GRID2: variants seen among roughly 807,000 people sequenced by gnomAD.
GRID2 encodes glutamate ionotropic receptor delta type subunit 2.
GRID2 carries 33 observed loss-of-function variants against 114.8 expected under a neutral mutation model. The observed-to-expected ratio is 0.29, with a 90% CI of 0.22 to 0.38. The LOEUF (loss-of-function observed/expected upper bound fraction) is 0.38, where lower values mean the gene tolerates loss of function less well. Ranked by LOEUF, GRID2 falls within the 10% of genes least tolerant of loss-of-function variation. The pLI, the probability that GRID2 is intolerant of heterozygous loss-of-function variation, is 1.00. For missense variants in GRID2, 1,184 were observed against 1,257.7 expected (o/e 0.94, Z 0.89); for synonymous variants, 505 against 449.9 (o/e 1.12, Z -1.55).
At chr4:92,779,859 T>A (rs1182056921) in intron 2 of GRID2, among the ~76,000 whole-genome samples, 1 of 152,164 alleles carries the variant, frequency 6.6e-6, no homozygotes, top group African/African-American at 2.4e-5. Context: ...TGCTTTGTTA[T>A]TATTTTTGCT....
chr4:92,907,402 G>A (rs1352526279), intron 2 of GRID2, among the ~76,000 whole-genome samples: 1 of 151,934 alleles, frequency 6.6e-6, no homozygotes, highest in Non-Finnish European at 1.5e-5. Flanking sequence ...AAACCATATA[G>A]TCCATTCCAG....
intron 1 of GRID2, among the ~76,000 whole-genome samples, chr4:92,472,016 C>T (rs1433197430): frequency 1.7e-5 from 1 of 60,374 alleles, no homozygotes; most frequent in Non-Finnish European, 3.3e-5. Flanking sequence ...TCACTGCAAG[C>T]TCCGCCTCCC....
intron 2 of GRID2, among the ~76,000 whole-genome samples, chr4:92,819,416 C>T (rs544787130): frequency 3.9e-5 from 6 of 152,034 alleles, no homozygotes; most frequent in South Asian, 4.1e-4. Context: ...TGTATGGGGG[C>T]GGCATGAAGA....
At chr4:92,508,154 G>A (rs78687572) in intron 1 of GRID2, among the ~76,000 whole-genome samples, 4,495 of 151,918 alleles carry the variant, frequency 0.03, 95 homozygotes, top group Middle Eastern at 0.071. Flanking sequence ...TGTAAACACA[G>A]TTTTTGAAAA....
At chr4:93,480,706 A>G (rs1214308967) in intron 11 of GRID2, among the ~76,000 whole-genome samples, 1 of 152,032 alleles carries the variant, frequency 6.6e-6, no homozygotes, top group Non-Finnish European at 1.5e-5. Flanking sequence ...TTGGATCAAG[A>G]AATGCAATTT....
chr4:93,120,305 T>C (rs940710031), intron 4 of GRID2, among the ~76,000 whole-genome samples: 3 of 152,150 alleles, frequency 2.0e-5, no homozygotes, highest in Admixed American at 6.5e-5. Flanking sequence ...CGGATGTTTC[T>C]TGCAGCACTA....
At position 93,448,473 on chromosome 4, in the gene GRID2, T is replaced by G. The variant is rs111834086; in HGVS notation, c.1546-7189T>G. On this transcript the variant is annotated intron_variant, in intron 10 of 15. Transcript: ENST00000282020. ...GATCAAACACTACACCCTCATAATA[T>G]GCCATTTTCTCAAGCATACATGGAA... Among the ~76,000 whole-genome samples the G allele has an allele frequency of 2.4e-3, 366 of 152,050 alleles. 5 individuals carry two copies. The South Asian group carries it at 0.029, about 12-fold the overall frequency.
intron 14 of GRID2, among the ~76,000 whole-genome samples, chr4:93,762,013 C>T (rs1320882428): frequency 2.6e-5 from 4 of 152,088 alleles, no homozygotes; most frequent in African/African-American, 4.8e-5. Flanking sequence ...AGATTACCTA[C>T]GTTTTCCAAA....
intron 14 of GRID2, among the ~76,000 whole-genome samples, chr4:93,644,577 C>G (rs1210055993): frequency 2.0e-5 from 3 of 152,140 alleles, no homozygotes; most frequent in Non-Finnish European, 4.4e-5. Flanking sequence ...AAAAAACCAT[C>G]GTGGCCCTTC....
intron 8 of GRID2, among the ~76,000 whole-genome samples, chr4:93,277,657 G>A (rs76682289): frequency 0.031 from 4,736 of 151,812 alleles, 261 homozygotes; most frequent in African/African-American, 0.11. Context: ...TTAGCTAAGT[G>A]TAAATATGAT....
At chr4:92,589,997 T>C in intron 1 of GRID2, 134 bp from the exon 2 acceptor site, 1 of 615,782 alleles carries the variant, frequency 1.6e-6, no homozygotes, top group Non-Finnish European at 2.9e-6. Flanking sequence ...ACAATGTGTT[T>C]CATTAATAAA....
chr4:92,328,108 A>C (rs537625498), intron 1 of GRID2, among the ~76,000 whole-genome samples: 1 of 152,190 alleles, frequency 6.6e-6, no homozygotes, highest in East Asian at 1.9e-4. Context: ...GTCAAATGTC[A>C]AATAATAGCA....
At chr4:93,054,343 T>G (rs200477249) in intron 2 of GRID2, among the ~76,000 whole-genome samples, 1 of 145,300 alleles carries the variant, frequency 6.9e-6, no homozygotes, top group African/African-American at 2.5e-5. Flanking sequence ...TATTTTTATA[T>G]TATTGTAATA....
intron 4 of GRID2, among the ~76,000 whole-genome samples, chr4:93,154,554 A>T (rs888508164): frequency 6.6e-6 from 1 of 152,068 alleles, no homozygotes; most frequent in Non-Finnish European, 1.5e-5. Context: ...TACTAAGCCT[A>T]GATGAATCTC....
intron 4 of GRID2, among the ~76,000 whole-genome samples, chr4:93,129,817 A>T (rs201339088): frequency 5.7e-5 from 2 of 34,938 alleles, no homozygotes; most frequent in African/African-American, 5.8e-4. Context: ...TAGACCTTAA[A>T]TTAGAACTTA....
intron 1 of GRID2, among the ~76,000 whole-genome samples, chr4:92,383,702 TCTCC>T (rs973468263): frequency 2.0e-5 from 3 of 151,926 alleles, no homozygotes; most frequent in African/African-American, 4.8e-5. Flanking sequence ...TTCCTCTACC[TCTCC>T]CTCCTCCAAT....
At chr4:92,975,919 A>G (rs1009256268) in intron 2 of GRID2, among the ~76,000 whole-genome samples, 3 of 152,098 alleles carry the variant, frequency 2.0e-5, no homozygotes, top group Non-Finnish European at 2.9e-5. Context: ...AATTTACATG[A>G]CTATATGTGT....
intron 14 of GRID2, among the ~76,000 whole-genome samples, chr4:93,653,344 A>G (rs1030006282): frequency 7.9e-5 from 12 of 152,156 alleles, no homozygotes; most frequent in African/African-American, 2.9e-4. Context: ...TAGTTAATAT[A>G]TTTGGCAACT....
chr4:92,336,157 C>T (rs1377069442), intron 1 of GRID2, among the ~76,000 whole-genome samples: 4 of 152,112 alleles, frequency 2.6e-5, no homozygotes, highest in Non-Finnish European at 5.9e-5. Flanking sequence ...AGTGTTCTGG[C>T]TTCATGTATG....
Sources: gnomAD v4.1 joint callset for allele counts (sites outside exome capture counted in the v4.1 genomes callset) on GRCh38, gnomAD v4.1.1 for gene constraint, MANE v1.5 for transcripts, NCBI Gene and HGNC (gene_info 2026-07-23, HGNC 2026-07-21) for gene names.